The following SGCZ variants were observed in gnomAD, a reference collection of about 807,000 sequenced individuals.
SGCZ encodes the protein sarcoglycan zeta, also known as zeta-sarcoglycan.
SGCZ carries 40 observed loss-of-function variants against 41.3 expected under a neutral mutation model. The observed-to-expected ratio is 0.97, with a 90% CI of 0.75 to 1.26. SGCZ has a LOEUF of 1.26. SGCZ is among the 50% of genes most tolerant of loss of function. The pLI is 0.00. For missense variants in SGCZ, 552 were observed against 369.8 expected, an observed-to-expected ratio of 1.49 and a Z score of -4.04; for synonymous variants, 206 against 137.5, an observed-to-expected ratio of 1.50 and a Z score of -3.49.
chr8:14,493,629 G>A (rs1271709243), intron 2 of SGCZ, among the ~76,000 whole-genome samples: 2 of 151,550 alleles, frequency 1.3e-5, no homozygotes, highest in Non-Finnish European at 2.9e-5. Flanking sequence ...GCCTCCCAAA[G>A]TGCTGGGATT....
chr8:14,232,334 G>A (rs1040469493), intron 4 of SGCZ, among the ~76,000 whole-genome samples: 22 of 151,894 alleles, frequency 1.4e-4, no homozygotes, highest in African/African-American at 5.3e-4. Flanking sequence ...AGTCAACTCT[G>A]CTACAAAAGC....
chr8:14,282,812 T>C (rs963869080), intron 3 of SGCZ, among the ~76,000 whole-genome samples: 2 of 151,854 alleles, frequency 1.3e-5, no homozygotes, highest in African/African-American at 2.4e-5. Flanking sequence ...TATTTGTTTT[T>C]CTAGTTAATC....
intron 1 of SGCZ, among the ~76,000 whole-genome samples, chr8:14,814,606 T>C (rs62493308): frequency 0.43 from 64,760 of 151,916 alleles, 14,226 homozygotes; most frequent in African/African-American, 0.56. Flanking sequence ...TACTTAAGTA[T>C]AGGATTATTT....
At chr8:15,175,628 A>ACCC (rs1799974145) in intron 1 of SGCZ, among the ~76,000 whole-genome samples, 1 of 151,830 alleles carries the variant, frequency 6.6e-6, no homozygotes, top group Admixed American at 6.6e-5. Context: ...TGTATAACAA[A>ACCC]CCCCCGTGAC....
At chr8:14,783,162 G>A (rs757421649) in intron 1 of SGCZ, among the ~76,000 whole-genome samples, 2 of 152,098 alleles carry the variant, frequency 1.3e-5, no homozygotes. Flanking sequence ...GGCCGGGCAC[G>A]GTGGCTCACG....
At chr8:14,238,806 T>C (rs1416746862) in intron 3 of SGCZ, among the ~76,000 whole-genome samples, 1 of 152,064 alleles carries the variant, frequency 6.6e-6, no homozygotes, top group South Asian at 2.1e-4. Context: ...GGTGCTTGCA[T>C]TGTGGATGCT....
At chr8:14,650,740 G>A (rs1807370430) in intron 1 of SGCZ, among the ~76,000 whole-genome samples, 1 of 152,024 alleles carries the variant, frequency 6.6e-6, no homozygotes, top group African/African-American at 2.4e-5. Flanking sequence ...AAGGAGGAAA[G>A]CAATGCAAAG....
At chr8:14,715,355 G>A (rs1809654025) in intron 1 of SGCZ, among the ~76,000 whole-genome samples, 1 of 152,060 alleles carries the variant, frequency 6.6e-6, no homozygotes, top group Admixed American at 6.6e-5. Context: ...TGATGAAAGG[G>A]TAAAACCTAC....
intron 1 of SGCZ, among the ~76,000 whole-genome samples, chr8:14,861,577 T>C (rs1563321971): frequency 2.6e-5 from 4 of 152,172 alleles, no homozygotes; most frequent in Admixed American, 1.3e-4. Context: ...CTAATTTTTC[T>C]TTACATGGAG....
chr8:14,506,143 C>T (rs1256494782), intron 2 of SGCZ, among the ~76,000 whole-genome samples: 1 of 152,018 alleles, frequency 6.6e-6, no homozygotes, highest in Non-Finnish European at 1.5e-5. Context: ...CAAGACCAGC[C>T]TGGCAAGCAT....
intron 1 of SGCZ, among the ~76,000 whole-genome samples, chr8:14,630,585 C>T (rs533338772): frequency 3.5e-4 from 53 of 151,968 alleles, no homozygotes; most frequent in Non-Finnish European, 5.4e-4. Context: ...ATGTTTATTG[C>T]GGCACTATTC....
chr8:14,199,637 G>C (rs562008989), intron 4 of SGCZ, among the ~76,000 whole-genome samples: 2 of 152,050 alleles, frequency 1.3e-5, no homozygotes, highest in South Asian at 2.1e-4. Context: ...CGGACACGCA[G>C]CTTTAAAATT....
chr8:14,734,066 G>C (rs1798952786), intron 1 of SGCZ, among the ~76,000 whole-genome samples: 1 of 152,216 alleles, frequency 6.6e-6, no homozygotes, highest in South Asian at 2.1e-4. Context: ...AAAATGTTTT[G>C]ACACAATCAC....
chr8:14,411,474 T>A (rs553814791), intron 2 of SGCZ, among the ~76,000 whole-genome samples: 15 of 152,092 alleles, frequency 9.9e-5, no homozygotes, highest in Non-Finnish European at 1.3e-4. Flanking sequence ...ATCAAGTTTA[T>A]AATGACATTA....
At chr8:15,099,954 TGA>T (rs966583844) in intron 1 of SGCZ, among the ~76,000 whole-genome samples, 1 of 16,678 alleles carries the variant, frequency 6.0e-5, no homozygotes, top group East Asian at 9.0e-4. Flanking sequence ...GGAACTTCCC[TGA>T]CAAAAAAAAA....
chr8:14,194,851 C>T (rs1805215329), intron 4 of SGCZ, among the ~76,000 whole-genome samples: 1 of 151,718 alleles, frequency 6.6e-6, no homozygotes. Flanking sequence ...GGCCATGGGG[C>T]ACTGGTATTG....
intron 5 of SGCZ, among the ~76,000 whole-genome samples, chr8:14,131,818 A>G (rs1225456595): frequency 1.3e-5 from 2 of 152,148 alleles, no homozygotes. Context: ...TACATACACA[A>G]ATATTTACTA....
At chr8:14,505,555 C>G (rs1185657115) in intron 2 of SGCZ, among the ~76,000 whole-genome samples, 3 of 152,136 alleles carry the variant, frequency 2.0e-5, no homozygotes, top group Non-Finnish European at 4.4e-5. Flanking sequence ...ATCACATAAT[C>G]TCAGCTTTGT....
rs990915481 is a variant in SGCZ, at chr8:14,767,909, G to C, written c.40-212983C>G. Among the ~76,000 whole-genome samples the C allele has an allele frequency of 3.3e-5, 5 of 152,186 alleles. No homozygotes were observed. In the South Asian group the frequency reaches 1.0e-3, roughly 31 times the overall value. On this transcript the variant is annotated intron_variant, in intron 1 of 7. Transcript: ENST00000382080. Reference sequence around the variant, plus strand: ...TACATAGACCCTTGGTTTGCTATCTGTTAAGGGAATAAATGAACAACAAAA... The same window carrying C: ...TACATAGACCCTTGGTTTGCTATCTCTTAAGGGAATAAATGAACAACAAAA...
Sources: gnomAD v4.1 joint callset for allele counts (sites outside exome capture counted in the v4.1 genomes callset) on GRCh38, gnomAD v4.1.1 for gene constraint, MANE v1.5 for transcripts, NCBI Gene and HGNC (gene_info 2026-07-23, HGNC 2026-07-21) for gene names.